TMEM114: variants seen among roughly 807,000 people sequenced by gnomAD.
TMEM114 encodes the protein transmembrane protein 114.
A neutral mutation model predicts 6.2 loss-of-function variants in TMEM114; 6 were observed. The ratio of observed to expected loss-of-function variants is 0.97; its 90% CI spans 0.53 to 1.91. The LOEUF is 1.91. TMEM114 is among the 40% of genes most tolerant of loss of function. The pLI, the probability that TMEM114 is intolerant of heterozygous loss-of-function variation, is 0.01. For missense variants in TMEM114, 218 were observed against 158.3 expected (o/e 1.38, Z -2.02); for synonymous variants, 104 against 73.0 (o/e 1.42, Z -2.16).
intron 3 of TMEM114, 21 bp downstream of exon 3, chr16:8,572,066 C>T: frequency 6.6e-7 from 1 of 1,524,432 alleles, no homozygotes; most frequent in Non-Finnish European, 8.8e-7. Context: ...AGCCAGAGCC[C>T]TAGGCAGGGT....
intron 2 of TMEM114, among the ~76,000 whole-genome samples, chr16:8,556,880 T>A (rs529691278): frequency 6.6e-6 from 1 of 152,334 alleles, no homozygotes; most frequent in South Asian, 2.1e-4. Flanking sequence ...ACCCTTCACA[T>A]TGATCTCAAT....
the TMEM114 span, among the ~76,000 whole-genome samples, chr16:8,530,241 G>C: frequency 6.6e-6 from 1 of 152,166 alleles, no homozygotes; most frequent in Non-Finnish European, 1.5e-5. Context: ...TCTCAGCAAA[G>C]TATCTGAGAT....
intron 2 of TMEM114, among the ~76,000 whole-genome samples, chr16:8,539,530 C>A (rs903350708): frequency 2.0e-5 from 3 of 152,064 alleles, no homozygotes; most frequent in African/African-American, 4.8e-5. Context: ...CCCTCTCCTT[C>A]CATCCTCCCA....
rs984097930 is a variant in TMEM114 at position 8,590,028 on chromosome 16, T to A, written c.-190A>T. The A allele has an allele frequency of 5.2e-6, 2 of 381,114 alleles. No homozygotes were observed. Among genetic ancestry groups the A allele is most frequent in the Non-Finnish European group, 9.3e-6 (2 of 215,734 alleles). The allele number at this position is 381,114 out of a possible 1,614,324, so 23.6% of individuals were successfully genotyped here. On this transcript the variant is annotated 5_prime_UTR_variant, in exon 1 of 4. Coordinates refer to ENST00000620492, the MANE Select transcript of TMEM114 (RefSeq NM_001146336.2). ...AGACCCTGGCTCCTCACCTGCCGGC[T>A]CCGACCTGCACGCGCCCCCCGCTCA...
At chr16:8,527,938 C>G in the TMEM114 span, among the ~76,000 whole-genome samples, 1 of 152,188 alleles carries the variant, frequency 6.6e-6, no homozygotes, top group Non-Finnish European at 1.5e-5. Flanking sequence ...GACAAAGTCT[C>G]CCTGTGCTGC....
At chr16:8,536,735 G>T (rs978028961), downstream of TMEM114, among the ~76,000 whole-genome samples, 2 of 151,896 alleles carry the variant, frequency 1.3e-5, no homozygotes, top group Non-Finnish European at 2.9e-5. Flanking sequence ...CAGGCATTTA[G>T]CTCAGGAAAA....
chr16:8,585,101 G>A (rs895458751), intron 2 of TMEM114, among the ~76,000 whole-genome samples: 1 of 152,094 alleles, frequency 6.6e-6, no homozygotes, highest in Non-Finnish European at 1.5e-5. Context: ...GTCTTACATG[G>A]CGGCAGGCAG....
chr16:8,548,915 G>T (rs542340116), intron 2 of TMEM114, among the ~76,000 whole-genome samples: 2 of 152,092 alleles, frequency 1.3e-5, no homozygotes, highest in East Asian at 3.9e-4. Context: ...AGGCGCAGTG[G>T]CTCATGCCTG....
At chr16:8,562,190 G>T (rs1292070292) in intron 2 of TMEM114, among the ~76,000 whole-genome samples, 1 of 151,622 alleles carries the variant, frequency 6.6e-6, no homozygotes, top group Non-Finnish European at 1.5e-5. Context: ...GTCAGTGAGT[G>T]AGTGAATGAG....
chr16:8,579,633 G>A lies in TMEM114; in HGVS notation c.302-7409C>T, dbSNP rs564107787. Among the ~76,000 whole-genome samples, 12 of 152,220 alleles carry A rather than the reference G, an allele frequency of 7.9e-5. No individual in the cohort carries two copies. The South Asian group carries it at 1.5e-3, about 18-fold the overall frequency. ...AACCACATCATCGCTCAAAAGCCTC[G>A]TTTTCGTCACCTGTCAATTGGACTC... On this transcript the variant is annotated intron_variant, in intron 2 of 3. Coordinates refer to ENST00000620492, the MANE Select transcript of TMEM114 (RefSeq NM_001146336.2).
chr16:8,569,804 C>G lies in TMEM114; in HGVS notation c.641G>C (p.Ser214Thr). The G allele has an allele frequency of 3.2e-6, 5 of 1,550,794 alleles. No individual in the cohort carries two copies. Among genetic ancestry groups the G allele is most frequent in the Non-Finnish European group, 4.4e-6 (5 of 1,146,918 alleles). ...AAFLAAAREL[S>T]LRRRQDQAI ...GGCCTGGTCCTGCCTCCGTCTCAGG[C>G]TGAGCTCGCGGGCTGCTGCCAGGAA... The change falls in exon 4 of 4, where the codon AGC becomes ACC. Residue 214 changes from serine to threonine, a missense_variant. Coordinates refer to ENST00000620492, the MANE Select transcript of TMEM114 (RefSeq NM_001146336.2).
intron 2 of TMEM114, among the ~76,000 whole-genome samples, chr16:8,541,095 C>T (rs1900504116): frequency 6.6e-6 from 1 of 152,088 alleles, no homozygotes; most frequent in Non-Finnish European, 1.5e-5. Flanking sequence ...ATAATGACCA[C>T]AAATAGAGTG....
chr16:8,555,126 T>C (rs899254236), intron 2 of TMEM114, among the ~76,000 whole-genome samples: 1 of 152,206 alleles, frequency 6.6e-6, no homozygotes, highest in African/African-American at 2.4e-5. Context: ...TGAGTTGGTG[T>C]TTATCATGCA....
intron 3 of TMEM114, 133 bp from the exon 4 acceptor site, chr16:8,570,138 G>C (rs1901683807): frequency 1.6e-6 from 2 of 1,246,938 alleles, no homozygotes; most frequent in Non-Finnish European, 1.1e-6. Flanking sequence ...GGACCTTTGC[G>C]CGTGCTAGTC....
At chr16:8,556,651 G>C (rs377127839) in intron 2 of TMEM114, among the ~76,000 whole-genome samples, 1 of 151,858 alleles carries the variant, frequency 6.6e-6, no homozygotes, top group African/African-American at 2.4e-5. Context: ...ACAGGTACCC[G>C]CCATCACACA....
In TMEM114 at chr16:8,551,014, C is replaced by G. The variant is rs531095914; in HGVS notation, n.213-13188G>C. Among the ~76,000 whole-genome samples the G allele has an allele frequency of 2.0e-5, 3 of 152,320 alleles. No homozygotes were observed. In the South Asian group the frequency reaches 6.2e-4, roughly 32 times the overall value. On this transcript the variant is annotated intron_variant and non_coding_transcript_variant, in intron 2 of 2. Transcript: ENST00000623677. The stretch of plus-strand genomic sequence containing the variant: ...ACATGGTTCTAACCCTAAACGAGTT[C>G]AAAGTCTAGCAAAGGTGACAGAGGT...
chr16:8,537,653 A>G (rs749051669), exon 3 of TMEM114: 2 of 152,236 alleles, frequency 1.3e-5, no homozygotes, highest in Non-Finnish European at 2.9e-5. Context: ...TTTCATAACC[A>G]TGATAATATC....
chr16:8,575,971 C>T (rs181956188), intron 2 of TMEM114, among the ~76,000 whole-genome samples: 2 of 152,184 alleles, frequency 1.3e-5, no homozygotes, highest in African/African-American at 4.8e-5. Context: ...AAGAAAGAAA[C>T]AGTTTCCAGC....
intron 2 of TMEM114, among the ~76,000 whole-genome samples, chr16:8,557,339 C>G (rs1901047152): frequency 1.3e-5 from 2 of 152,086 alleles, no homozygotes; most frequent in South Asian, 2.1e-4. Context: ...CTGATACTAC[C>G]ATATTGTCAG....
Sources: gnomAD v4.1 joint callset for allele counts (sites outside exome capture counted in the v4.1 genomes callset) on GRCh38, gnomAD v4.1.1 for gene constraint, MANE v1.5 for transcripts, NCBI Gene and HGNC (gene_info 2026-07-23, HGNC 2026-07-21) for gene names.